The following FAT3 variants were observed in gnomAD, a reference collection of about 807,000 sequenced individuals.
FAT3 encodes the protein FAT atypical cadherin 3, also known as protocadherin Fat 3.
Under a neutral mutation model 310.2 loss-of-function variants are expected in FAT3, and 95 were observed. That is an observed-to-expected ratio of 0.31 (90% confidence interval 0.26 to 0.36). FAT3 has a LOEUF of 0.36. Among genes scored for constraint, FAT3 ranks in the 10% least tolerant of loss-of-function variants. The pLI is 1.00. For synonymous variants in FAT3, 2,314 were observed against 2,192.9 expected, an observed-to-expected ratio of 1.06 and a Z score of -1.54; for missense variants, 5,408 against 5,715.6, an observed-to-expected ratio of 0.95 and a Z score of 1.74.
chr11:92,367,513 A>G (rs548113532), intron 2 of FAT3, among the ~76,000 whole-genome samples: 428 of 152,280 alleles, frequency 2.8e-3, no homozygotes, highest in African/African-American at 0.01. Context: ...AGTCCCAGCT[A>G]GTGGGGCAGG....
At chr11:92,278,184 A>G (rs376965404) in intron 1 of FAT3, among the ~76,000 whole-genome samples, 57 of 152,288 alleles carry the variant, frequency 3.7e-4, no homozygotes, top group African/African-American at 1.3e-3. Flanking sequence ...GAATGAGCTT[A>G]TAGTTATGTA....
intron 1 of FAT3, among the ~76,000 whole-genome samples, chr11:92,278,802 A>G (rs2096017719): frequency 6.6e-6 from 1 of 152,132 alleles, no homozygotes; most frequent in Admixed American, 6.6e-5. Context: ...AGCGATTAGT[A>G]AAGGTATGGA....
chr11:92,343,041 C>T (rs1394539581), intron 1 of FAT3, among the ~76,000 whole-genome samples: 1 of 152,076 alleles, frequency 6.6e-6, no homozygotes, highest in African/African-American at 2.4e-5. Flanking sequence ...TGACATTAAC[C>T]AGTGTTGTAT....
chr11:92,247,641 G>A (rs1483649689), intron 1 of FAT3, among the ~76,000 whole-genome samples: 3 of 151,692 alleles, frequency 2.0e-5, no homozygotes, highest in South Asian at 2.1e-4. Context: ...AGGCATTGAC[G>A]AACATTTGCT....
intron 4 of FAT3, among the ~76,000 whole-genome samples, chr11:92,701,420 G>A (rs1944092939): frequency 6.6e-6 from 1 of 152,188 alleles, no homozygotes; most frequent in Non-Finnish European, 1.5e-5. Context: ...TATAAAAGGA[G>A]GGTTGTCATT....
intron 5 of FAT3, among the ~76,000 whole-genome samples, chr11:92,764,504 A>G (rs764811587): frequency 6.6e-5 from 10 of 152,150 alleles, no homozygotes; most frequent in Non-Finnish European, 1.3e-4. Context: ...CTTCCCTTTC[A>G]CATATCACCA....
chr11:92,298,702 T>C (rs1946914738), intron 1 of FAT3, among the ~76,000 whole-genome samples: 1 of 152,056 alleles, frequency 6.6e-6, no homozygotes, highest in Admixed American at 6.6e-5. Flanking sequence ...ACTTCCAATT[T>C]TTTTTCCTCC....
chr11:92,373,080 C>T (rs1565266909), intron 2 of FAT3, among the ~76,000 whole-genome samples: 1 of 152,164 alleles, frequency 6.6e-6, no homozygotes, highest in African/African-American at 2.4e-5. Context: ...AGTAGAGGGG[C>T]TGAAGTGAAG....
chr11:92,608,344 A>G (rs1159351887), intron 3 of FAT3, among the ~76,000 whole-genome samples: 1 of 152,082 alleles, frequency 6.6e-6, no homozygotes, highest in Non-Finnish European at 1.5e-5. Flanking sequence ...TGCTCAGGTA[A>G]TTTACTTTTC....
chr11:92,442,959 T>G (rs1185884927), intron 2 of FAT3, among the ~76,000 whole-genome samples: 1 of 152,214 alleles, frequency 6.6e-6, no homozygotes, highest in Admixed American at 6.5e-5. Context: ...CCGTGCATGA[T>G]ATATGTAAAC....
chr11:92,249,669 C>T (rs1443104746), intron 1 of FAT3, among the ~76,000 whole-genome samples: 3 of 152,052 alleles, frequency 2.0e-5, no homozygotes, highest in Non-Finnish European at 4.4e-5. Context: ...CCTTCAGCTT[C>T]ATATGCAAAA....
rs1187180413 is a variant in FAT3, at chr11:92,469,549, C to T, written c.3293-55085C>T. On this transcript the variant is annotated intron_variant, in intron 2 of 27. Coordinates refer to ENST00000525166, the MANE Select transcript of FAT3 (RefSeq NM_001367949.2). Reference sequence around the variant, plus strand: ...TTTTTTTTTGAGATGGAATCTCACCCTGTCACCCAGGCTGGAGTGCAGTGG... The same window carrying T: ...TTTTTTTTTGAGATGGAATCTCACCTTGTCACCCAGGCTGGAGTGCAGTGG... 7.9e-5 allele frequency among the ~76,000 whole-genome samples: 12 copies of T among 152,124 alleles called. No homozygotes were observed. The East Asian group carries it at 2.1e-3, about 27-fold the overall frequency.
At chr11:92,868,754 A>G (rs1949309600) in intron 22 of FAT3, among the ~76,000 whole-genome samples, 1 of 152,216 alleles carries the variant, frequency 6.6e-6, no homozygotes, top group Non-Finnish European at 1.5e-5. Flanking sequence ...TGAGGGAAAG[A>G]GACTAGGGAA....
intron 4 of FAT3, among the ~76,000 whole-genome samples, chr11:92,729,422 C>G (rs1286128152): frequency 6.6e-6 from 1 of 150,732 alleles, no homozygotes; most frequent in Non-Finnish European, 1.5e-5. Context: ...GGACCCCAGA[C>G]TGAATTTTTT....
chr11:92,419,287 T>A (rs1591263052), intron 2 of FAT3, among the ~76,000 whole-genome samples: 1 of 152,242 alleles, frequency 6.6e-6, no homozygotes, highest in East Asian at 1.9e-4. Flanking sequence ...CATGATGTGC[T>A]ATGCTCCTAT....
chr11:92,801,705 C>T lies in FAT3; in HGVS notation c.8692C>T (p.Leu2898Phe). The stretch of plus-strand genomic sequence containing the variant: ...CACCTTCTCTGTGGTGGCCTCTGAC[C>T]TTGGAGAGGCATTCTCTCTTTCCTC... Reference protein sequence around the residue: ...TFTFSVVASDLGEAFSLSSTA... With the variant: ...TFTFSVVASDFGEAFSLSSTA... The change falls in exon 10 of 28, where the codon CTT becomes TTT. Residue 2898 changes from leucine to phenylalanine, a missense_variant. Leu to Phe is a conservative substitution (Grantham distance 22). Coordinates refer to ENST00000525166, the MANE Select transcript of FAT3 (RefSeq NM_001367949.2). The T allele has an allele frequency of 6.2e-7, 1 of 1,613,906 alleles. No individual in the cohort carries two copies. The highest frequency in any genetic ancestry group is 8.5e-7 in the Non-Finnish European group (1 of 1,179,852).
intron 2 of FAT3, among the ~76,000 whole-genome samples, chr11:92,481,370 A>G (rs1012022677): frequency 6.6e-6 from 1 of 152,128 alleles, no homozygotes; most frequent in Admixed American, 6.5e-5. Context: ...CAAATTCCAA[A>G]GCTTTTGGAA....
chr11:92,404,898 G>C (rs1199132168), intron 2 of FAT3, among the ~76,000 whole-genome samples: 1 of 151,818 alleles, frequency 6.6e-6, no homozygotes, highest in Non-Finnish European at 1.5e-5. Context: ...AGATGCTCCC[G>C]GTTCTTGGGC....
In FAT3 at chr11:92,799,850, T is replaced by C. The variant is rs751654996; in HGVS notation, c.6837T>C (p.Asp2279=). 2 of 1,613,468 alleles carry C rather than the reference T, an allele frequency of 1.2e-6. No homozygotes were observed. The highest frequency in any genetic ancestry group is 4.5e-5 in the East Asian group (2 of 44,838). The change falls in exon 10 of 28, where the codon GAT becomes GAC. Residue 2279 remains aspartate, a synonymous_variant. Transcript: ENST00000525166. The part of the protein sequence containing the change: ...AEVTVDLLVN[D]VNDNPPIFDQ... ...TCACTGTTGACTTGCTAGTTAATGATGTAAATGACAACCCCCCTATTTTCG... is the reference window on the plus strand; with the variant it reads ...TCACTGTTGACTTGCTAGTTAATGACGTAAATGACAACCCCCCTATTTTCG...
Sources: gnomAD v4.1 joint callset for allele counts (sites outside exome capture counted in the v4.1 genomes callset) on GRCh38, gnomAD v4.1.1 for gene constraint, MANE v1.5 for transcripts, NCBI Gene and HGNC (gene_info 2026-07-23, HGNC 2026-07-21) for gene names.